SUCLG2: variants seen among roughly 807,000 people sequenced by gnomAD.
The protein encoded by SUCLG2 is succinate-CoA ligase GDP-forming subunit beta.
Under a neutral mutation model 47.9 loss-of-function variants are expected in SUCLG2, and 42 were observed. The ratio of observed to expected loss-of-function variants is 0.88; its 90% confidence interval spans 0.69 to 1.14. SUCLG2 has a LOEUF of 1.14. Ranked by LOEUF, SUCLG2 falls within the 50% of genes most tolerant of loss-of-function variation. The pLI is 0.00. For synonymous variants in SUCLG2, 195 were observed against 197.3 expected, an observed-to-expected ratio of 0.99 and a Z score of 0.10; for missense variants, 571 against 525.9, an observed-to-expected ratio of 1.09 and a Z score of -0.84.
chr3:67,415,626 T>G (rs1423417610), intron 9 of SUCLG2, among the ~76,000 whole-genome samples: 1 of 152,232 alleles, frequency 6.6e-6, no homozygotes. Flanking sequence ...TTCAGTCACC[T>G]TACTGGCCAA....
chr3:67,403,302 C>T (rs1357346922), intron 9 of SUCLG2, among the ~76,000 whole-genome samples: 1 of 152,176 alleles, frequency 6.6e-6, no homozygotes, highest in African/African-American at 2.4e-5. Context: ...AGATGCAACT[C>T]CCGTGTTTGG....
chr3:67,375,358 T>C lies in SUCLG2; in HGVS notation c.*386A>G. ...TAATCTTGTCTGAGTTTTTAAATGG[T>C]CTGTTTTTCTTTTTCATTATGTAGG... On this transcript the variant is annotated 3_prime_UTR_variant, in exon 11 of 11. Coordinates refer to ENST00000307227, the MANE Select transcript of SUCLG2 (RefSeq NM_003848.4). 2.0e-6 allele frequency: 2 copies of C among 984,738 alleles called. No individual in the cohort carries two copies. Among genetic ancestry groups the C allele is most frequent in the Non-Finnish European group, 1.2e-6 (1 of 828,724 alleles). The allele number at this position is 984,738 out of a possible 1,614,324, so 61.0% of individuals were successfully genotyped here.
At chr3:67,505,887 G>A (rs1012703978) in intron 7 of SUCLG2, among the ~76,000 whole-genome samples, 3 of 152,100 alleles carry the variant, frequency 2.0e-5, no homozygotes, top group Admixed American at 1.3e-4. Flanking sequence ...ACTTGAACTC[G>A]GGAGGTGGAG....
intron 1 of SUCLG2, among the ~76,000 whole-genome samples, chr3:67,621,157 A>C (rs1173269512): frequency 6.6e-6 from 1 of 152,206 alleles, no homozygotes; most frequent in Non-Finnish European, 1.5e-5. Context: ...ATTAATAGGC[A>C]TGGCTGTGTT....
chr3:67,506,947 G>A (rs565312831), intron 7 of SUCLG2, among the ~76,000 whole-genome samples: 1 of 152,136 alleles, frequency 6.6e-6, no homozygotes, highest in Non-Finnish European at 1.5e-5. Flanking sequence ...CAATATGCAC[G>A]CTGGACTCAG....
At chr3:67,624,564 T>C (rs1389333103) in intron 1 of SUCLG2, among the ~76,000 whole-genome samples, 1 of 152,190 alleles carries the variant, frequency 6.6e-6, no homozygotes, top group African/African-American at 2.4e-5. Flanking sequence ...CCCTCCCCAA[T>C]ATTCCACATA....
intron 9 of SUCLG2, among the ~76,000 whole-genome samples, chr3:67,473,221 C>T (rs1024165352): frequency 1.3e-5 from 2 of 151,942 alleles, no homozygotes; most frequent in Non-Finnish European, 2.9e-5. Flanking sequence ...CTCCAGTTGC[C>T]CAGGCTGGAG....
At chr3:67,562,687 C>T (rs1356286962) in intron 2 of SUCLG2, among the ~76,000 whole-genome samples, 1 of 152,212 alleles carries the variant, frequency 6.6e-6, no homozygotes, top group Non-Finnish European at 1.5e-5. Flanking sequence ...TTTTTCAACA[C>T]TAATTTCCTT....
At chr3:67,574,784 G>A (rs1215018934) in intron 2 of SUCLG2, among the ~76,000 whole-genome samples, 3 of 152,080 alleles carry the variant, frequency 2.0e-5, no homozygotes, top group Non-Finnish European at 2.9e-5. Flanking sequence ...GCAACACACT[G>A]GGAAAAAGTA....
chr3:67,495,915 A>G lies in SUCLG2; in HGVS notation c.945T>C (p.Ala315=). The stretch of plus-strand genomic sequence containing the variant: ...CATTAAGGAAAATGATATCACAAGT[A>G]GCCATGGCGAGCCCAGCACCATTCA... ...CFVNGAGLAM[A]TCDIIFLNGG... is the part of the protein sequence containing the mutation. Residue 315 remains alanine (A), a synonymous_variant, in exon 9 of 11, where the codon GCT becomes GCC. Transcript: ENST00000307227. The G allele has an allele frequency of 6.2e-7, 1 of 1,614,032 alleles. No homozygotes were observed. The highest frequency in any genetic ancestry group is 8.5e-7 in the Non-Finnish European group (1 of 1,179,948).
At chr3:67,517,527 A>G (rs894297233) in intron 6 of SUCLG2, among the ~76,000 whole-genome samples, 6 of 152,170 alleles carry the variant, frequency 3.9e-5, no homozygotes, top group African/African-American at 1.4e-4. Flanking sequence ...GGGACTAGGA[A>G]GCTTGCCCCA....
chr3:67,504,857 GATAA>G (rs1390347713), intron 7 of SUCLG2, among the ~76,000 whole-genome samples: 12 of 152,178 alleles, frequency 7.9e-5, no homozygotes, highest in African/African-American at 2.7e-4. Flanking sequence ...TGCGCAGGTA[GATAA>G]ATAAATAAAT....
chr3:67,633,787 T>A (rs1700965068), intron 1 of SUCLG2, among the ~76,000 whole-genome samples: 1 of 152,176 alleles, frequency 6.6e-6, no homozygotes, highest in South Asian at 2.1e-4. Flanking sequence ...TCAATGTGGG[T>A]CTCGCTCAGT....
In SUCLG2 at chr3:67,609,557, C is replaced by A; in HGVS notation, c.124G>T (p.Glu42Ter). The A allele has an allele frequency of 1.2e-6, 2 of 1,613,826 alleles. No individual in the cohort carries two copies. The highest frequency in any genetic ancestry group is 1.7e-6 in the Non-Finnish European group (2 of 1,179,894). The change falls in exon 2 of 11, where the codon GAA (glutamate) becomes TAA (stop). Residue 42 changes from glutamate (E) to a stop codon, truncating the protein, a stop_gained. Transcript: ENST00000307227. LOFTEE classifies it high-confidence loss of function. ...LTSRRWLNLQ[E>*]YQSKKLMSDN... The stretch of plus-strand genomic sequence containing the variant: ...GACATCAGTTTCTTGCTCTGGTATT[C>A]CTGCAGGTTCAGCCATCTTCTGGAG...
intron 5 of SUCLG2, 57 bp from the exon 6 acceptor site, chr3:67,518,393 A>T (rs1706008629): frequency 1.3e-6 from 2 of 1,499,034 alleles, no homozygotes; most frequent in African/African-American, 2.8e-5. Context: ...AAGATTTACA[A>T]CCTCAAAAGA....
At chr3:67,589,584 T>C (rs1708104179) in intron 2 of SUCLG2, among the ~76,000 whole-genome samples, 1 of 152,228 alleles carries the variant, frequency 6.6e-6, no homozygotes, top group African/African-American at 2.4e-5. Context: ...GTCCAGAGCC[T>C]ATATATCCCC....
intron 9 of SUCLG2, among the ~76,000 whole-genome samples, chr3:67,418,527 C>G (rs1398863600): frequency 6.6e-6 from 1 of 152,140 alleles, no homozygotes; most frequent in Non-Finnish European, 1.5e-5. Flanking sequence ...ACTTCCTAAT[C>G]CTAAAGTGAC....
intron 1 of SUCLG2, among the ~76,000 whole-genome samples, chr3:67,644,133 A>AT (rs777609867): frequency 3.3e-5 from 5 of 152,184 alleles, no homozygotes; most frequent in Non-Finnish European, 7.3e-5. Flanking sequence ...ATGATACAAC[A>AT]TTTCTACTCA....
intron 1 of SUCLG2, among the ~76,000 whole-genome samples, chr3:67,625,723 TGA>T (rs1451042439): frequency 6.6e-6 from 1 of 152,146 alleles, no homozygotes; most frequent in African/African-American, 2.4e-5. Flanking sequence ...ACTGAGGCCT[TGA>T]GAACAAGCCC....
Sources: gnomAD v4.1 joint callset for allele counts (sites outside exome capture counted in the v4.1 genomes callset) on GRCh38, gnomAD v4.1.1 for gene constraint, MANE v1.5 for transcripts, NCBI Gene and HGNC (gene_info 2026-07-23, HGNC 2026-07-21) for gene names.